DNM1: variants seen among roughly 807,000 people sequenced by gnomAD.
DNM1 encodes the protein dynamin 1, also known as dynamin-1.
DNM1 carries 29 observed loss-of-function variants against 104.6 expected under a neutral mutation model. The observed-to-expected ratio is 0.28, with a 90% CI of 0.21 to 0.38. The LOEUF is 0.38. Among genes scored for constraint, DNM1 ranks in the 10% least tolerant of loss-of-function variants. The pLI, the probability that DNM1 is intolerant of heterozygous loss-of-function variation, is 1.00. For synonymous variants in DNM1, 445 were observed against 475.8 expected (o/e 0.94, Z 0.84); for missense variants, 640 against 1,189.4 (o/e 0.54, Z 6.79).
intron 10 of DNM1, among the ~76,000 whole-genome samples, chr9:128,227,259 C>T (rs1835401893): frequency 6.6e-6 from 1 of 151,760 alleles, no homozygotes. Flanking sequence ...GGTGATCCAC[C>T]TGCCTCGGCC....
rs1170152367 is a variant in DNM1, at chr9:128,247,343, C to T, written c.1782-32C>T. 2.7e-5 allele frequency: 41 copies of T among 1,525,956 alleles called. No homozygotes were observed. Among genetic ancestry groups the T allele is most frequent in the Non-Finnish European group, 3.4e-5 (38 of 1,107,562 alleles). The allele number at this position is 1,525,956 out of a possible 1,614,324, so 94.5% of individuals were successfully genotyped here. On this transcript the variant is annotated intron_variant, in intron 16 of 21. Transcript: ENST00000372923. The surrounding 1 kb of genome is among the most constrained non-coding windows in gnomAD (Gnocchi z 5.1). Reference sequence around the variant, plus strand: ...CCCCCAGGGAGGGTCAGACTTTGCCCATCTGCCCTCACTGCCTGCCCTATC... The same window carrying T: ...CCCCCAGGGAGGGTCAGACTTTGCCTATCTGCCCTCACTGCCTGCCCTATC...
chr9:128,217,959 T>C (rs1290486075), intron 1 of DNM1, among the ~76,000 whole-genome samples: 1 of 152,102 alleles, frequency 6.6e-6, no homozygotes, highest in Non-Finnish European at 1.5e-5. Context: ...TTCCTATTGG[T>C]TCAAAACCAA....
intron 6 of DNM1, chr9:128,221,131 C>T (rs1284515126): frequency 6.6e-6 from 1 of 150,916 alleles, no homozygotes; most frequent in African/African-American, 2.4e-5. Flanking sequence ...CTCTTGTCAC[C>T]CAGGCTGGAG....
intron 12 of DNM1, 59 bp downstream of exon 12, chr9:128,239,574 G>A (rs1377854573): frequency 7.9e-6 from 6 of 757,108 alleles, no homozygotes; most frequent in South Asian, 2.0e-5. Flanking sequence ...TAACGTGTGT[G>A]TGTGTGTGTG....
intron 20 of DNM1, 104 bp from the exon 21 acceptor site, chr9:128,250,621 C>G: frequency 1.8e-6 from 2 of 1,112,752 alleles, no homozygotes; most frequent in Non-Finnish European, 2.4e-6. Context: ...CAGGGAGGGG[C>G]TTGCGTGCAT....
rs1401923113 is a variant in DNM1, at chr9:128,254,074, T to C, written c.2535-580T>C. On this transcript the variant is annotated intron_variant, in intron 21 of 21. Coordinates refer to ENST00000372923, the MANE Select transcript of DNM1 (RefSeq NM_004408.4). This position sits in a 1 kb window ranked among gnomAD's most constrained non-coding sequence, Gnocchi z 6.1. ...CCAGCTGAGGCTCCCCTCTTAGACT[T>C]ATAAGTCTATGGCCACTGGCATCCG... 8.0e-7 allele frequency: 1 copy of C among 1,249,082 alleles called. No individual in the cohort carries two copies. Among genetic ancestry groups the C allele is most frequent in the Non-Finnish European group, 1.0e-6 (1 of 1,000,282 alleles). 77.4% of individuals were successfully genotyped at this position (1,249,082 alleles called of 1,614,324 possible).
At chr9:128,244,008 G>T (rs1201716572) in intron 15 of DNM1, among the ~76,000 whole-genome samples, 1 of 151,624 alleles carries the variant, frequency 6.6e-6, no homozygotes, top group Non-Finnish European at 1.5e-5. Context: ...TTAGGAGTGT[G>T]ATTGGAGTAT....
rs973660785 is a variant in DNM1 at position 128,254,183 on chromosome 9, C to T, written c.2535-471C>T. Reference sequence around the variant, plus strand: ...CACCCAGAGGGGCCTCCGGCGCTCCCTCCAGCCATCCCTTTTAGTTTCACC... The same window carrying T: ...CACCCAGAGGGGCCTCCGGCGCTCCTTCCAGCCATCCCTTTTAGTTTCACC... On this transcript the variant is annotated intron_variant, in intron 21 of 21. Transcript: ENST00000372923. This position sits in a 1 kb window ranked among gnomAD's most constrained non-coding sequence, Gnocchi z 6.1. 3 of 1,320,344 alleles carry T rather than the reference C, an allele frequency of 2.3e-6. No individual in the cohort carries two copies. Among genetic ancestry groups the T allele is most frequent in the African/African-American group, 3.1e-5 (2 of 65,036 alleles). The allele number at this position is 1,320,344 out of a possible 1,614,324, so 81.8% of individuals were successfully genotyped here.
intron 10 of DNM1, chr9:128,232,063 G>A (rs751509396): frequency 4.4e-6 from 2 of 456,192 alleles, no homozygotes; most frequent in African/African-American, 2.0e-5. Context: ...CTTCTCAAAG[G>A]GGTGGAGGCT....
intron 10 of DNM1, chr9:128,233,707 G>T (rs1226179514): frequency 4.6e-6 from 2 of 438,678 alleles, no homozygotes; most frequent in Non-Finnish European, 8.3e-6. Flanking sequence ...AGTCTGCGGG[G>T]CAGGCTCATT....
At chr9:128,231,920 C>A (rs1835714925) in intron 10 of DNM1, 4 of 440,920 alleles carry the variant, frequency 9.1e-6, no homozygotes, top group Non-Finnish European at 1.8e-5. Flanking sequence ...GACTGCTAAC[C>A]CGGTGGGCTC....
chr9:128,238,935 G>T (rs376995141), intron 11 of DNM1, among the ~76,000 whole-genome samples: 3 of 151,940 alleles, frequency 2.0e-5, no homozygotes, highest in Non-Finnish European at 1.5e-5. Context: ...GATTACAGGC[G>T]TGAGCCACCG....
intron 11 of DNM1, among the ~76,000 whole-genome samples, chr9:128,238,981 A>ATCCTC (rs560358434): frequency 3.8e-4 from 56 of 147,180 alleles, no homozygotes; most frequent in South Asian, 1.3e-3. Flanking sequence ...TCTTTCTTTC[A>ATCCTC]TCCTCTCCTC....
intron 10 of DNM1, among the ~76,000 whole-genome samples, chr9:128,226,758 T>TTA (rs2131192427): frequency 6.6e-6 from 1 of 152,294 alleles, no homozygotes; most frequent in East Asian, 1.9e-4. Context: ...GTCTGTGACT[T>TTA]TTTAGATGCC....
chr9:128,251,641 T>C (rs1974630), intron 21 of DNM1: 126,529 of 150,302 alleles, frequency 0.84, 53,416 homozygotes, highest in Admixed American at 0.89. Context: ...AACCACCCCC[T>C]CCGCGACTTC....
In DNM1 at chr9:128,222,986, AC is replaced by A; in HGVS notation, c.1196+130del. 1 of 946,992 alleles carries A rather than the reference AC, an allele frequency of 1.1e-6. No homozygotes were observed. The highest frequency in any genetic ancestry group is 1.6e-6 in the Non-Finnish European group (1 of 624,242). The allele number at this position is 946,992 out of a possible 1,614,324, so 58.7% of individuals were successfully genotyped here. Reference sequence around the variant, plus strand: ...AAAGCTCTGTTCCCCAGTCCTCTCGACCCCAACTTTCTGGCTCCCTGCATGA... The same window carrying A: ...AAAGCTCTGTTCCCCAGTCCTCTCGACCCAACTTTCTGGCTCCCTGCATGA... On this transcript the variant is annotated intron_variant, in intron 9 of 21. Transcript: ENST00000372923. The surrounding 1 kb of genome is among the most constrained non-coding windows in gnomAD (Gnocchi z 7.8).
intron 21 of DNM1, chr9:128,252,782 G>A (rs1588464959): frequency 4.8e-6 from 3 of 622,150 alleles, no homozygotes; most frequent in East Asian, 6.7e-5. Context: ...GGGAGCTGGT[G>A]CAAATGCCTC....
chr9:128,213,532 A>T (rs986421720), intron 1 of DNM1, among the ~76,000 whole-genome samples: 1 of 152,198 alleles, frequency 6.6e-6, no homozygotes, highest in African/African-American at 2.4e-5. Context: ...AAGGATGAGA[A>T]GATAAGAAAT....
intron 21 of DNM1, 135 bp downstream of exon 21, chr9:128,251,075 GC>G (rs2131300372): frequency 1.4e-6 from 1 of 695,058 alleles, no homozygotes; most frequent in East Asian, 2.8e-5. Context: ...GACTCTGGGT[GC>G]CGGAGCCACG....
Sources: allele counts gnomAD v4.1 joint callset (sites outside exome capture counted in the v4.1 genomes callset), GRCh38; gene constraint gnomAD v4.1.1; non-coding constraint Gnocchi (gnomAD v3.1); transcripts MANE v1.5; gene names NCBI Gene and HGNC (gene_info 2026-07-23, HGNC 2026-07-21).